The following SLC2A12 variants were observed in gnomAD, a reference collection of about 807,000 sequenced individuals.
SLC2A12 encodes solute carrier family 2, facilitated glucose transporter member 12.
SLC2A12 carries 23 observed loss-of-function variants against 41.8 expected under a neutral mutation model. The ratio of observed to expected loss-of-function variants is 0.55; its 90% CI spans 0.40 to 0.78. The LOEUF is 0.78. Among genes scored for constraint, SLC2A12 ranks in the 30% least tolerant of loss-of-function variants. The pLI is 0.00. For missense variants in SLC2A12, 654 were observed against 745.6 expected, an observed-to-expected ratio of 0.88 and a Z score of 1.43; for synonymous variants, 295 against 285.9, an observed-to-expected ratio of 1.03 and a Z score of -0.32.
intron 4 of SLC2A12, among the ~76,000 whole-genome samples, chr6:133,992,751 G>A (rs1415549526): frequency 6.6e-6 from 1 of 152,176 alleles, no homozygotes. Flanking sequence ...GGGCCTCCAG[G>A]TCGTCGTGGG....
chr6:134,048,268 C>T (rs2114516083), intron 1 of SLC2A12, among the ~76,000 whole-genome samples: 1 of 152,282 alleles, frequency 6.6e-6, no homozygotes, highest in South Asian at 2.1e-4. Context: ...CACAGAAGAG[C>T]AAGTGGTCCT....
chr6:134,051,787 C>T (rs534467823), intron 1 of SLC2A12, among the ~76,000 whole-genome samples: 2 of 152,188 alleles, frequency 1.3e-5, no homozygotes, highest in Admixed American at 1.3e-4. Flanking sequence ...GCAAAGCAAG[C>T]GTTTCAGGCT....
intron 4 of SLC2A12, among the ~76,000 whole-genome samples, chr6:133,992,754 G>A (rs904908110): frequency 2.6e-5 from 4 of 152,168 alleles, no homozygotes; most frequent in African/African-American, 7.2e-5. Flanking sequence ...CCTCCAGGTC[G>A]TCGTGGGGCT....
intron 2 of SLC2A12, among the ~76,000 whole-genome samples, chr6:134,014,472 C>T (rs969189076): frequency 2.6e-5 from 4 of 152,192 alleles, no homozygotes; most frequent in African/African-American, 9.7e-5. Flanking sequence ...AAGGAAGGAG[C>T]TGCAAGAAAT....
intron 4 of SLC2A12, among the ~76,000 whole-genome samples, chr6:133,992,186 T>G (rs1158571027): frequency 6.6e-6 from 1 of 152,164 alleles, no homozygotes; most frequent in Non-Finnish European, 1.5e-5. Flanking sequence ...TTTGTGCGTG[T>G]GTGCGTGATG....
chr6:133,994,326 A>G (rs74812605), intron 4 of SLC2A12, among the ~76,000 whole-genome samples: 5,381 of 152,298 alleles, frequency 0.035, 299 homozygotes, highest in African/African-American at 0.12. Context: ...GGTATCTGTT[A>G]GACATTTGGA....
chr6:133,995,149 A>G (rs931537771), intron 4 of SLC2A12, among the ~76,000 whole-genome samples: 7 of 152,246 alleles, frequency 4.6e-5, no homozygotes, highest in Non-Finnish European at 8.8e-5. Context: ...GGCTATACAT[A>G]GTACCCAAGA....
intron 4 of SLC2A12, among the ~76,000 whole-genome samples, chr6:133,993,728 G>C (rs758623875): frequency 1.3e-5 from 2 of 152,196 alleles, no homozygotes; most frequent in Non-Finnish European, 2.9e-5. Context: ...GACAGGAAAA[G>C]TCTGTTGGAG....
chr6:134,008,432 G>A (rs777391212), intron 2 of SLC2A12, among the ~76,000 whole-genome samples: 18 of 152,132 alleles, frequency 1.2e-4, no homozygotes, highest in African/African-American at 2.2e-4. Context: ...AAAAAGTAGC[G>A]TAATTATTAT....
chr6:134,050,206 T>C (rs1036342223), intron 1 of SLC2A12, among the ~76,000 whole-genome samples: 1 of 152,190 alleles, frequency 6.6e-6, no homozygotes, highest in East Asian at 1.9e-4. Context: ...TTTATACATA[T>C]GTATGTATAA....
At chr6:134,036,340 C>G (rs990249855) in intron 1 of SLC2A12, among the ~76,000 whole-genome samples, 2 of 152,166 alleles carry the variant, frequency 1.3e-5, no homozygotes, top group African/African-American at 2.4e-5. Flanking sequence ...TGCTCTTTCT[C>G]CCTGAACGCC....
At chr6:133,992,864 G>A (rs1776641337) in intron 4 of SLC2A12, among the ~76,000 whole-genome samples, 1 of 152,176 alleles carries the variant, frequency 6.6e-6, no homozygotes, top group Non-Finnish European at 1.5e-5. Context: ...GATTGGAAAT[G>A]AGTCTAGGGC....
chr6:134,016,731 G>A (rs1300103706), intron 2 of SLC2A12, among the ~76,000 whole-genome samples: 3 of 152,142 alleles, frequency 2.0e-5, no homozygotes, highest in Admixed American at 2.0e-4. Context: ...GCCCCTTATG[G>A]TTATCAACAG....
intron 2 of SLC2A12, among the ~76,000 whole-genome samples, chr6:134,024,440 C>T (rs1420367749): frequency 2.0e-5 from 3 of 152,198 alleles, no homozygotes; most frequent in Admixed American, 2.0e-4. Flanking sequence ...CCTTTTTCCC[C>T]AATTGTCCCC....
At chr6:134,052,350 TC>T in intron 1 of SLC2A12, 27 bp downstream of exon 1, 3 of 1,591,696 alleles carry the variant, frequency 1.9e-6, no homozygotes, top group Non-Finnish European at 8.6e-7. Context: ...TTCTCTGCGG[TC>T]ACCCGAGCAC....
chr6:134,031,426 C>CA (rs34478769), intron 1 of SLC2A12, among the ~76,000 whole-genome samples: 76,988 of 151,642 alleles, frequency 0.51, 19,731 homozygotes, highest in African/African-American at 0.57. Context: ...AAACAACAAA[C>CA]AAAAAAAACA....
chr6:134,049,627 G>A (rs1359565456), intron 1 of SLC2A12, among the ~76,000 whole-genome samples: 1 of 152,066 alleles, frequency 6.6e-6, no homozygotes, highest in Non-Finnish European at 1.5e-5. Context: ...CCTATATTAA[G>A]ATGGATTGGA....
intron 4 of SLC2A12, among the ~76,000 whole-genome samples, chr6:133,994,883 A>G (rs1776668186): frequency 6.6e-6 from 1 of 152,186 alleles, no homozygotes; most frequent in African/African-American, 2.4e-5. Flanking sequence ...CGGGTCGCAG[A>G]AGGATGTGAG....
In SLC2A12 at chr6:133,991,324, G is replaced by A. The variant is rs371864739; in HGVS notation, c.1701-16C>T. On this transcript the variant is annotated splice_polypyrimidine_tract_variant and intron_variant, in intron 4 of 4. Coordinates refer to ENST00000275230, the MANE Select transcript of SLC2A12 (RefSeq NM_145176.3). ...CACATAGTTCCTGAAAGAGAAAGAG[G>A]CACTAATGAAAATGTCATTCTTAGT... is the stretch of plus-strand genomic sequence containing the variant. 3.1e-5 allele frequency: 50 copies of A among 1,606,586 alleles called. No individual in the cohort carries two copies. The highest frequency in any genetic ancestry group is 4.2e-5 in the Non-Finnish European group (49 of 1,177,690).
Sources: allele counts gnomAD v4.1 joint callset (sites outside exome capture counted in the v4.1 genomes callset), GRCh38; gene constraint gnomAD v4.1.1; transcripts MANE v1.5; gene names NCBI Gene and HGNC (gene_info 2026-07-23, HGNC 2026-07-21).